PPARGC1A: variants seen among roughly 807,000 people sequenced by gnomAD.
PPARGC1A encodes the protein peroxisome proliferator-activated receptor gamma coactivator 1-alpha.
PPARGC1A carries 25 observed loss-of-function variants against 88.7 expected under a neutral mutation model. The ratio of observed to expected loss-of-function variants is 0.28; its 90% CI spans 0.21 to 0.39. The LOEUF (loss-of-function observed/expected upper bound fraction) is 0.39. Ranked by LOEUF, PPARGC1A falls within the 10% of genes least tolerant of loss-of-function variation. The pLI is 1.00. For missense variants in PPARGC1A, 880 were observed against 968.7 expected, an observed-to-expected ratio of 0.91 and a Z score of 1.22; for synonymous variants, 363 against 355.6, an observed-to-expected ratio of 1.02 and a Z score of -0.24.
At chr4:23,809,856 A>G (rs1720544714) in intron 10 of PPARGC1A, among the ~76,000 whole-genome samples, 2 of 152,146 alleles carry the variant, frequency 1.3e-5, no homozygotes, top group Admixed American at 6.6e-5. Context: ...GATTTGGATC[A>G]GTCTTATACC....
intron 10 of PPARGC1A, among the ~76,000 whole-genome samples, chr4:23,810,986 C>T (rs1162178619): frequency 1.3e-5 from 2 of 152,258 alleles, no homozygotes; most frequent in East Asian, 3.9e-4. Context: ...ACTAATGACA[C>T]TTTGGCAAAT....
chr4:24,383,519 G>A, the PPARGC1A span, among the ~76,000 whole-genome samples: 1 of 152,114 alleles, frequency 6.6e-6, no homozygotes, highest in South Asian at 2.1e-4. Context: ...AACCAGTTTA[G>A]AGAAGAACAT....
the PPARGC1A span, among the ~76,000 whole-genome samples, chr4:24,312,014 A>C: frequency 6.6e-6 from 1 of 152,198 alleles, no homozygotes; most frequent in Admixed American, 6.5e-5. Context: ...ACCCACAGGA[A>C]ATCCCTTTGC....
the PPARGC1A span, among the ~76,000 whole-genome samples, chr4:24,246,134 A>G: frequency 2.0e-5 from 3 of 152,214 alleles, no homozygotes; most frequent in African/African-American, 4.8e-5. Context: ...TTTGTCTCAT[A>G]GATTTCCTGT....
At chr4:24,161,088 G>A in the PPARGC1A span, among the ~76,000 whole-genome samples, 1 of 152,210 alleles carries the variant, frequency 6.6e-6, no homozygotes, top group Non-Finnish European at 1.5e-5. Context: ...TCAATGAAAT[G>A]GTTCTCAAGT....
chr4:23,907,992 T>A (rs553882740), upstream of PPARGC1A, among the ~76,000 whole-genome samples: 5 of 152,216 alleles, frequency 3.3e-5, no homozygotes, highest in African/African-American at 1.2e-4. Context: ...CTAAAATCAA[T>A]GTGTAAGAGA....
the PPARGC1A span, among the ~76,000 whole-genome samples, chr4:23,914,221 G>C: frequency 6.6e-6 from 1 of 152,138 alleles, no homozygotes; most frequent in South Asian, 2.1e-4. Flanking sequence ...TTCAGGCATT[G>C]TTGTAAGACC....
the PPARGC1A span, among the ~76,000 whole-genome samples, chr4:24,327,764 G>A: frequency 9.9e-5 from 15 of 151,916 alleles, no homozygotes; most frequent in Admixed American, 1.3e-4. Flanking sequence ...AATTTTTGCC[G>A]CCCCAACACT....
the PPARGC1A span, among the ~76,000 whole-genome samples, chr4:24,052,637 A>C: frequency 9.7e-6 from 1 of 103,102 alleles, no homozygotes; most frequent in East Asian, 2.5e-4. Flanking sequence ...ATTACATCTC[A>C]GAAAAAAAAA....
chr4:24,095,950 A>G, the PPARGC1A span, among the ~76,000 whole-genome samples: 1 of 152,126 alleles, frequency 6.6e-6, no homozygotes, highest in Non-Finnish European at 1.5e-5. Context: ...CATGTTAACC[A>G]CGACTGAATT....
At position 23,793,584 on chromosome 4, in the gene PPARGC1A, A is replaced by G. The variant is rs1717021994; in HGVS notation, c.*2238T>C. On this transcript the variant is annotated 3_prime_UTR_variant, in exon 13 of 13. Coordinates refer to ENST00000264867, the MANE Select transcript of PPARGC1A (RefSeq NM_013261.5). ...GAGTAGTAGGTGTATCATGTCTTCC[A>G]GAAAAGTCATGTCAGCCAAACAGTA... The G allele has an allele frequency of 6.6e-6, 1 of 152,286 alleles. No homozygotes were observed. The highest frequency in any genetic ancestry group is 1.5e-5 in the Non-Finnish European group (1 of 68,016). 9.4% of individuals were successfully genotyped at this position (152,286 alleles called of 1,614,324 possible).
intron 2 of PPARGC1A, among the ~76,000 whole-genome samples, chr4:23,857,773 C>T (rs776961040): frequency 7.3e-5 from 11 of 151,702 alleles, no homozygotes; most frequent in Non-Finnish European, 1.5e-4. Context: ...AGGGCTAGCA[C>T]AGAATAGGGA....
chr4:24,042,596 T>G, the PPARGC1A span, among the ~76,000 whole-genome samples: 2 of 152,198 alleles, frequency 1.3e-5, no homozygotes, highest in Admixed American at 6.5e-5. Flanking sequence ...AAGGAGCCAA[T>G]GCAATAGATA....
At chr4:23,861,640 T>C (rs1179186998) in intron 2 of PPARGC1A, among the ~76,000 whole-genome samples, 1 of 152,086 alleles carries the variant, frequency 6.6e-6, no homozygotes, top group Non-Finnish European at 1.5e-5. Context: ...AAGAAAAAGA[T>C]GAATGGGGCA....
chr4:23,814,073 A>G lies in PPARGC1A; in HGVS notation c.1410T>C (p.Ser470=). 1 of 1,614,022 alleles carries G rather than the reference A, an allele frequency of 6.2e-7. No homozygotes were observed. Among genetic ancestry groups the G allele is most frequent in the Non-Finnish European group, 8.5e-7 (1 of 1,179,960 alleles). Residue 470 remains serine (S), a synonymous_variant, in exon 8 of 13, where the codon AGT becomes AGC. Coordinates refer to ENST00000264867, the MANE Select transcript of PPARGC1A (RefSeq NM_013261.5). ...CTGCTTCGTCGTCAAAAACAGCTTG[A>G]CTGGGATGACCGAAGTGCTTGTTCA... is the stretch of plus-strand genomic sequence containing the variant. ...AELNKHFGHP[S]QAVFDDEADK... is the part of the protein sequence containing the mutation.
At chr4:24,339,891 A>G in the PPARGC1A span, among the ~76,000 whole-genome samples, 1 of 151,356 alleles carries the variant, frequency 6.6e-6, no homozygotes, top group Non-Finnish European at 1.5e-5. Context: ...GGCGCCCACC[A>G]CCACCCCCGG....
At chr4:23,946,078 C>T in the PPARGC1A span, among the ~76,000 whole-genome samples, 1 of 152,032 alleles carries the variant, frequency 6.6e-6, no homozygotes, top group Non-Finnish European at 1.5e-5. Context: ...TTTAAGATAC[C>T]ATGGTCCCAG....
the PPARGC1A span, among the ~76,000 whole-genome samples, chr4:24,117,480 T>A: frequency 6.6e-6 from 1 of 151,816 alleles, no homozygotes; most frequent in Non-Finnish European, 1.5e-5. Flanking sequence ...GCCCTTTTTT[T>A]CTTTATTTTC....
the PPARGC1A span, among the ~76,000 whole-genome samples, chr4:24,212,800 A>G: frequency 1.3e-5 from 2 of 152,192 alleles, no homozygotes; most frequent in African/African-American, 4.8e-5. Flanking sequence ...GCCCACACGT[A>G]TCCTCCTAGC....
Sources: allele counts gnomAD v4.1 joint callset (sites outside exome capture counted in the v4.1 genomes callset), GRCh38; gene constraint gnomAD v4.1.1; transcripts MANE v1.5; gene names NCBI Gene and HGNC (gene_info 2026-07-23, HGNC 2026-07-21).